Variants in PTBP2 observed in about 807,000 individuals in gnomAD.
PTBP2 encodes polypyrimidine tract binding protein 2.
Under a neutral mutation model 61.4 loss-of-function variants are expected in PTBP2, and 13 were observed. The observed-to-expected ratio is 0.21, with a 90% CI of 0.14 to 0.34. The LOEUF is 0.34. PTBP2 is among the 10% of genes least tolerant of loss of function. The pLI is 1.00. For missense variants in PTBP2, 405 were observed against 642.6 expected (o/e 0.63, Z 4.00); for synonymous variants, 215 against 218.5 (o/e 0.98, Z 0.14).
chr1:96,726,372 A>T (rs890421531), intron 2 of PTBP2, among the ~76,000 whole-genome samples: 2 of 147,936 alleles, frequency 1.4e-5, no homozygotes, highest in African/African-American at 5.0e-5. Context: ...TCCTGGGTTC[A>T]GGCAATTCTC....
intron 2 of PTBP2, among the ~76,000 whole-genome samples, chr1:96,735,512 CTT>C (rs1449733267): frequency 1.3e-5 from 2 of 152,042 alleles, no homozygotes; most frequent in East Asian, 3.9e-4. Flanking sequence ...GAGGAAAAGA[CTT>C]ATGCTGAAAG....
At chr1:96,801,948 A>G (rs895095766) in intron 8 of PTBP2, among the ~76,000 whole-genome samples, 1 of 151,760 alleles carries the variant, frequency 6.6e-6, no homozygotes, top group Non-Finnish European at 1.5e-5. Flanking sequence ...GCGGTGGCTC[A>G]TGCCTGTAAT....
chr1:96,727,714 T>C (rs992157829), intron 2 of PTBP2, among the ~76,000 whole-genome samples: 4 of 152,198 alleles, frequency 2.6e-5, no homozygotes, highest in Admixed American at 1.3e-4. Context: ...TTTATATCTT[T>C]AGCCCAATTT....
intron 11 of PTBP2, among the ~76,000 whole-genome samples, chr1:96,811,480 C>T (rs980043572): frequency 3.3e-5 from 5 of 151,756 alleles, no homozygotes; most frequent in African/African-American, 1.2e-4. Flanking sequence ...TGCACTGTGG[C>T]ACCATCTCAG....
rs1343167193 is a variant in PTBP2, at chr1:96,814,093, G to A, written c.*688G>A. On this transcript the variant is annotated 3_prime_UTR_variant, in exon 14 of 14. Transcript: ENST00000674951. ...TAAGACAACAAAGTGATTTCTGTAA[G>A]TTTGAGCCCTATGTGGAAAGCATTG... 1.3e-5 allele frequency: 2 copies of A among 152,478 alleles called. No homozygotes were observed. Among genetic ancestry groups the A allele is most frequent in the Non-Finnish European group, 2.9e-5 (2 of 67,968 alleles). The allele number at this position is 152,478 out of a possible 1,614,324, so 9.4% of individuals were successfully genotyped here. A position where few individuals can be genotyped will look rare whatever the true frequency, so the allele number is the denominator to read the frequency against.
chr1:96,781,061 A>T (rs1279583100), intron 7 of PTBP2, among the ~76,000 whole-genome samples: 2 of 152,050 alleles, frequency 1.3e-5, no homozygotes, highest in African/African-American at 4.8e-5. Context: ...GTGTGTGTCA[A>T]ACTGAAATCA....
At chr1:96,739,916 G>A (rs1402440500) in intron 2 of PTBP2, among the ~76,000 whole-genome samples, 4 of 151,924 alleles carry the variant, frequency 2.6e-5, no homozygotes, top group African/African-American at 7.3e-5. Flanking sequence ...GAGCCACCGC[G>A]CCTGGCCAAT....
At chr1:96,733,225 A>C (rs758559973) in intron 2 of PTBP2, among the ~76,000 whole-genome samples, 2 of 151,420 alleles carry the variant, frequency 1.3e-5, no homozygotes, top group Non-Finnish European at 2.9e-5. Context: ...ATGGCAAAGA[A>C]GACTCTGTCT....
chr1:96,730,222 A>ATTTCTGCTATTTTTATTTTGTTTTGC lies in PTBP2; in HGVS notation c.39+6632_39+6657dup, dbSNP rs1570700242. Among the ~76,000 whole-genome samples the ATTTCTGCTATTTTTATTTTGTTTTGC allele has an allele frequency of 4.6e-5, 7 of 151,452 alleles. 1 individual carries two copies. In the South Asian group the frequency reaches 1.3e-3, roughly 27 times the overall value. The stretch of plus-strand genomic sequence containing the variant: ...TGTTTTTCTGTTTTCTATTTTATTG[A>ATTTCTGCTATTTTTATTTTGTTTTGC]TTTCTGCTATTTTTATTTTGTTTTG... On this transcript the variant is annotated intron_variant, in intron 2 of 13. Transcript: ENST00000674951.
chr1:96,805,592 A>G (rs1411303391), intron 9 of PTBP2, among the ~76,000 whole-genome samples: 1 of 149,586 alleles, frequency 6.7e-6, no homozygotes, highest in African/African-American at 2.5e-5. Context: ...TGTCTGGTAT[A>G]TTTTATTTTG....
chr1:96,820,052 C>T (rs1432032997), exon 14 of PTBP2: 3 of 151,802 alleles, frequency 2.0e-5, no homozygotes, highest in Non-Finnish European at 4.4e-5. Flanking sequence ...TACACTTTTA[C>T]TCTGGAAAAA....
At chr1:96,768,838 G>T (rs951273979) in intron 3 of PTBP2, among the ~76,000 whole-genome samples, 6 of 151,812 alleles carry the variant, frequency 4.0e-5, no homozygotes, top group African/African-American at 1.5e-4. Context: ...TATCAGGAGA[G>T]GCTCATTGTA....
intron 1 of PTBP2, among the ~76,000 whole-genome samples, chr1:96,722,623 A>C (rs1649768523): frequency 6.6e-6 from 1 of 152,242 alleles, no homozygotes; most frequent in African/African-American, 2.4e-5. Flanking sequence ...GAAGTGTTTG[A>C]AGCCGACATC....
At chr1:96,757,182 G>A (rs1433592916) in intron 3 of PTBP2, among the ~76,000 whole-genome samples, 1 of 152,138 alleles carries the variant, frequency 6.6e-6, no homozygotes, top group Non-Finnish European at 1.5e-5. Context: ...TGTCAGACTT[G>A]ATTAAAAAGC....
chr1:96,812,952 T>C (rs866713637), intron 12 of PTBP2, 24 bp downstream of exon 12: 1 of 1,594,050 alleles, frequency 6.3e-7, no homozygotes, highest in Non-Finnish European at 8.6e-7. Context: ...CTAGAGTGTA[T>C]TGAGATACAT....
At chr1:96,774,828 AG>A (rs1468624870) in intron 5 of PTBP2, among the ~76,000 whole-genome samples, 1 of 152,042 alleles carries the variant, frequency 6.6e-6, no homozygotes, top group Non-Finnish European at 1.5e-5. Flanking sequence ...GCCCTTTCTG[AG>A]CTTACTACTT....
chr1:96,813,066 G>A lies in PTBP2; in HGVS notation c.1426G>A (p.Ala476Thr), dbSNP rs766704583. The stretch of plus-strand genomic sequence containing the variant: ...AGAAGAGGATCTACGAACACTGTTC[G>A]CTAACACTGGGGGCACTGTGAAAGC... ...VAEEDLRTLF[A>T]NTGGTVKAFK... Residue 476 changes from alanine (A) to threonine (T), a missense_variant, in exon 13 of 14, where the codon GCT (alanine) becomes ACT (threonine). Coordinates refer to ENST00000674951, the MANE Select transcript of PTBP2 (RefSeq NM_021190.4). 15 of 1,613,224 alleles carry A rather than the reference G, an allele frequency of 9.3e-6. No individual in the cohort carries two copies. The highest frequency in any genetic ancestry group is 2.2e-5 in the East Asian group (1 of 44,868).
rs1476807465 is a variant in PTBP2, at chr1:96,813,011, C to T, written c.1389-18C>T. ...TTATTCTTAATCTTCACTTTTTCTT[C>T]CCATTCAATTTTCCTAGTCCATCAG... On this transcript the variant is annotated intron_variant, in intron 12 of 13. Coordinates refer to ENST00000674951, the MANE Select transcript of PTBP2 (RefSeq NM_021190.4). 1.2e-6 allele frequency: 2 copies of T among 1,604,446 alleles called. No homozygotes were observed. The highest frequency in any genetic ancestry group is 2.7e-5 in the African/African-American group (2 of 74,580).
chr1:96,771,704 T>C (rs562642500), intron 5 of PTBP2, among the ~76,000 whole-genome samples: 8 of 152,284 alleles, frequency 5.3e-5, no homozygotes, highest in Admixed American at 3.9e-4. Context: ...TGCTCTTCTT[T>C]CTTTTTACTT....
Sources: allele counts gnomAD v4.1 joint callset (sites outside exome capture counted in the v4.1 genomes callset), GRCh38; gene constraint gnomAD v4.1.1; transcripts MANE v1.5; gene names NCBI Gene and HGNC (gene_info 2026-07-23, HGNC 2026-07-21).